SRP68: variants seen among roughly 807,000 people sequenced by gnomAD.
The protein encoded by SRP68 is signal recognition particle 68.
A neutral mutation model predicts 82.2 loss-of-function variants in SRP68; 15 were observed. That is an observed-to-expected ratio of 0.18 (90% CI 0.12 to 0.28). The LOEUF (loss-of-function observed/expected upper bound fraction) is 0.28. SRP68 is among the 10% of genes least tolerant of loss of function. The pLI is 1.00. For missense variants in SRP68, 595 were observed against 780.5 expected (o/e 0.76, Z 2.83); for synonymous variants, 261 against 292.6 (o/e 0.89, Z 1.10).
At chr17:76,063,768 C>T (rs966054418) in intron 4 of SRP68, among the ~76,000 whole-genome samples, 3 of 150,114 alleles carry the variant, frequency 2.0e-5, no homozygotes, top group Non-Finnish European at 4.4e-5. Flanking sequence ...TGGAATGAAG[C>T]GTTGCCCAAT....
chr17:76,058,311 G>A (rs144269325), intron 7 of SRP68, among the ~76,000 whole-genome samples: 2,527 of 151,698 alleles, frequency 0.017, 53 homozygotes, highest in African/African-American at 0.051. Context: ...AGTACAGACG[G>A]GGTTTCTCCG....
intron 9 of SRP68, 104 bp downstream of exon 9, chr17:76,050,324 C>T: frequency 6.4e-6 from 5 of 782,318 alleles, no homozygotes; most frequent in Non-Finnish European, 1.1e-5. Flanking sequence ...AAACAGTGGC[C>T]AAGCGAGCAG....
At chr17:76,068,737 G>T (rs572251478) in intron 2 of SRP68, among the ~76,000 whole-genome samples, 1 of 152,052 alleles carries the variant, frequency 6.6e-6, no homozygotes, top group South Asian at 2.1e-4. Flanking sequence ...TCACATAGTT[G>T]TCCACTAATA....
intron 8 of SRP68, chr17:76,053,355 GCAATC>G (rs2066689632): frequency 1.9e-6 from 1 of 527,252 alleles, no homozygotes; most frequent in South Asian, 8.3e-5. Context: ...TTAATTCCAT[GCAATC>G]CAACAAACAT....
At chr17:76,059,789 CAA>C (rs35942880) in intron 7 of SRP68, among the ~76,000 whole-genome samples, 8 of 87,904 alleles carry the variant, frequency 9.1e-5, no homozygotes, top group Non-Finnish European at 6.9e-5. Flanking sequence ...AAGACTGTCT[CAA>C]AAAAAAAAAA....
intron 2 of SRP68, among the ~76,000 whole-genome samples, chr17:76,068,455 G>GA (rs113014100): frequency 8.4e-4 from 97 of 115,822 alleles, no homozygotes; most frequent in African/African-American, 1.3e-3. Context: ...GACTGTGTCT[G>GA]AAAAAAAAAA....
At chr17:76,050,599 A>ACC in intron 8 of SRP68, 73 bp from the exon 9 acceptor site, 1 of 1,044,066 alleles carries the variant, frequency 9.6e-7, no homozygotes, top group Non-Finnish European at 1.5e-6. Flanking sequence ...AGAGGAGCAA[A>ACC]ATCGCACATG....
Position 76,062,498 on chromosome 17 carries a change from A to AT in SRP68, c.562-925_562-924insA, listed in dbSNP as rs199700782. Among the ~76,000 whole-genome samples, 853 of 105,762 alleles carry AT rather than the reference A, an allele frequency of 8.1e-3. 53 individuals are homozygous for AT. Among genetic ancestry groups the AT allele is most frequent in the African/African-American group, 0.035 (813 of 23,108 alleles). 69.4% of individuals were successfully genotyped at this position (105,762 alleles called of 152,430 possible). ...AAAGAATATGGAGATATATATATAT[A>AT]ATATATATATAATATACATTATATA... On this transcript the variant is annotated intron_variant, in intron 4 of 15. Coordinates refer to ENST00000307877, the MANE Select transcript of SRP68 (RefSeq NM_014230.4).
intron 2 of SRP68, among the ~76,000 whole-genome samples, chr17:76,067,744 G>T (rs890614706): frequency 6.6e-6 from 1 of 152,122 alleles, no homozygotes; most frequent in Admixed American, 6.5e-5. Context: ...GGGATTACAG[G>T]CATGAGCCAC....
chr17:76,070,300 T>C lies in SRP68; in HGVS notation c.251+78A>G, dbSNP rs962484881. Reference sequence around the variant, plus strand: ...AGACTTTCTAGCATATTTGCTGATATAGCAGAGTAAACAGGATATTAACAA... The same window carrying C: ...AGACTTTCTAGCATATTTGCTGATACAGCAGAGTAAACAGGATATTAACAA... On this transcript the variant is annotated intron_variant, in intron 2 of 15. Coordinates refer to ENST00000307877, the MANE Select transcript of SRP68 (RefSeq NM_014230.4). 11 of 1,098,904 alleles carry C rather than the reference T, an allele frequency of 1.0e-5. No homozygotes were observed. In the African/African-American group the frequency reaches 1.1e-4, roughly 11 times the overall value. The allele number at this position is 1,098,904 out of a possible 1,614,324, so 68.1% of individuals were successfully genotyped here. A position where few individuals can be genotyped will look rare whatever the true frequency, so the allele number is the denominator to read the frequency against.
chr17:76,067,091 C>A, intron 3 of SRP68, 126 bp downstream of exon 3: 1 of 737,442 alleles, frequency 1.4e-6, no homozygotes, highest in Non-Finnish European at 2.3e-6. Context: ...CCTTAGAACA[C>A]AGGAATAGTA....
rs760417069 is a variant in SRP68, at chr17:76,040,944, A to G, written c.1559T>C (p.Val520Ala). The change falls in exon 14 of 16, where the codon GTG becomes GCG. Residue 520 changes from valine to alanine, a missense_variant. Physicochemically the swap from Val to Ala is moderately conservative, Grantham distance 64. Coordinates refer to ENST00000307877, the MANE Select transcript of SRP68 (RefSeq NM_014230.4). ...CTGCAGGGAGCACTTCTCTGACCGC[A>G]CTTGAGTGATGAGCTCTTGCACATC... The part of the protein sequence containing the change: ...LPDVQELITQ[V>A]RSEKCSLQAA... The G allele has an allele frequency of 3.1e-6, 5 of 1,614,118 alleles. No homozygotes were observed. The highest frequency in any genetic ancestry group is 8.5e-7 in the Non-Finnish European group (1 of 1,180,004).
chr17:76,039,840 T>C lies in SRP68; in HGVS notation c.1750A>G (p.Ile584Val), dbSNP rs2066575772. 6.2e-7 allele frequency: 1 copy of C among 1,614,162 alleles called. No homozygotes were observed. The highest frequency in any genetic ancestry group is 1.3e-5 in the African/African-American group (1 of 75,026). The change falls in exon 16 of 16, where the codon ATT becomes GTT. Residue 584 changes from isoleucine (I) to valine (V), a missense_variant. By Grantham distance (29) the Ile-to-Val change is conservative. Around this residue, in one of 2 missense-constraint regions of SRP68, gnomAD observed 495 missense variants for 688.6 expected, o/e 0.72. Coordinates refer to ENST00000307877, the MANE Select transcript of SRP68 (RefSeq NM_014230.4). ...LVHFPPGFQPIPCKPLFFDLA... is the reference protein window; with the variant it reads ...LVHFPPGFQPVPCKPLFFDLA... ...TCAAAGAACAAAGGCTTGCAGGGAA[T>C]GGGCTGGAAGCCTGGTGGGAAGTGC...
chr17:76,062,924 C>T (rs1433886129), intron 4 of SRP68, among the ~76,000 whole-genome samples: 2 of 148,700 alleles, frequency 1.3e-5, no homozygotes. Flanking sequence ...GTGTCCGCCA[C>T]TACGCCCAGC....
chr17:76,069,779 A>G (rs963673048), intron 2 of SRP68, among the ~76,000 whole-genome samples: 3 of 151,524 alleles, frequency 2.0e-5, no homozygotes, highest in African/African-American at 4.9e-5. Flanking sequence ...TTAAAAGAAA[A>G]AAAAAAAAAG....
At chr17:76,069,036 C>T (rs752705456) in intron 2 of SRP68, among the ~76,000 whole-genome samples, 27 of 149,990 alleles carry the variant, frequency 1.8e-4, no homozygotes, top group Non-Finnish European at 3.8e-4. Context: ...TAAAATTGCA[C>T]CAACCTTTAA....
chr17:76,057,840 A>G (rs1263713712), intron 7 of SRP68, among the ~76,000 whole-genome samples: 1 of 152,014 alleles, frequency 6.6e-6, no homozygotes, highest in Non-Finnish European at 1.5e-5. Flanking sequence ...ATGCCCGACT[A>G]ATTTTTGTAT....
chr17:76,049,210 T>C (rs928050398), intron 9 of SRP68: 1 of 149,778 alleles, frequency 6.7e-6, no homozygotes, highest in African/African-American at 2.6e-5. Context: ...ATGTTTAACG[T>C]TTTTTACCAC....
At chr17:76,057,145 C>A (rs917812068) in intron 8 of SRP68, among the ~76,000 whole-genome samples, 5 of 152,318 alleles carry the variant, frequency 3.3e-5, no homozygotes, top group Non-Finnish European at 5.9e-5. Context: ...TTTAAGCCAG[C>A]CTCTAATGCC....
Sources: allele counts gnomAD v4.1 joint callset (sites outside exome capture counted in the v4.1 genomes callset), GRCh38; gene constraint gnomAD v4.1.1; regional missense constraint gnomAD v4.1.1; transcripts MANE v1.5; gene names NCBI Gene and HGNC (gene_info 2026-07-23, HGNC 2026-07-21).